Variants in RANBP2 observed in about 807,000 individuals in gnomAD.
RANBP2 encodes E3 SUMO-protein ligase RanBP2.
In RANBP2, 57 loss-of-function variants were observed where a neutral mutation model predicts 303.6. The observed-to-expected ratio is 0.19, with a 90% confidence interval of 0.15 to 0.23. The LOEUF (loss-of-function observed/expected upper bound fraction) is 0.23, where lower values mean the gene tolerates loss of function less well. Among genes scored for constraint, RANBP2 ranks in the 10% least tolerant of loss-of-function variants. The pLI is 1.00. For synonymous variants in RANBP2, 1,167 were observed against 1,301.5 expected (o/e 0.90, Z 2.23); for missense variants, 3,138 against 3,780.8 (o/e 0.83, Z 4.46).
chr2:108,741,608 C>T (rs189453916), intron 7 of RANBP2, among the ~76,000 whole-genome samples: 1 of 142,244 alleles, frequency 7.0e-6, no homozygotes, highest in Non-Finnish European at 1.5e-5. Flanking sequence ...CGAGTTCACG[C>T]CATTTTCCTG....
At chr2:109,556,517 AG>A in the RANBP2 span, among the ~76,000 whole-genome samples, 1 of 152,220 alleles carries the variant, frequency 6.6e-6, no homozygotes, top group Non-Finnish European at 1.5e-5. Flanking sequence ...GGTTCCAAGC[AG>A]GAACAGATCC....
At chr2:109,595,886 G>A in the RANBP2 span, among the ~76,000 whole-genome samples, 1 of 152,134 alleles carries the variant, frequency 6.6e-6, no homozygotes, top group Admixed American at 6.5e-5. Context: ...GAGGAGGGTA[G>A]AACATTCCAT....
At chr2:109,719,027 A>AAAAAAAAAC in the RANBP2 span, among the ~76,000 whole-genome samples, 1 of 118,216 alleles carries the variant, frequency 8.5e-6, no homozygotes, top group Non-Finnish European at 1.7e-5. Context: ...AAAAAAAAAA[A>AAAAAAAAAC]AGAAACAAAA....
the RANBP2 span, chr2:109,436,880 T>G: frequency 1.9e-6 from 3 of 1,610,718 alleles, no homozygotes; most frequent in Admixed American, 1.7e-5. Flanking sequence ...TTCCTTCTGC[T>G]TTCTCTCCAC....
At position 108,764,608 on chromosome 2, in the gene RANBP2, C is replaced by T. The variant is rs1676979426; in HGVS notation, c.4069C>T (p.His1357Tyr). 5 of 1,614,006 alleles carry T rather than the reference C, an allele frequency of 3.1e-6. No individual in the cohort carries two copies. Among genetic ancestry groups the T allele is most frequent in the Admixed American group, 1.7e-5 (1 of 60,010 alleles). ...QVAKKEGSWW[H>Y]CNSCSLKNAS... is the part of the protein sequence containing the mutation. ...TGCAAAGAAAGAAGGGTCTTGGTGG[C>T]ATTGTAACAGCTGCTCATTAAAGAA... Residue 1357 changes from histidine to tyrosine, a missense_variant, in exon 20 of 29, where the codon CAT becomes TAT. Transcript: ENST00000283195.
chr2:109,350,743 T>A, the RANBP2 span, among the ~76,000 whole-genome samples: 1 of 152,198 alleles, frequency 6.6e-6, no homozygotes, highest in Non-Finnish European at 1.5e-5. Context: ...ACAACCTCCA[T>A]GTGAATCAGA....
chr2:109,576,459 AC>A, the RANBP2 span, among the ~76,000 whole-genome samples: 3 of 152,166 alleles, frequency 2.0e-5, no homozygotes, highest in African/African-American at 7.2e-5. Flanking sequence ...AAAACCTTGA[AC>A]ATTACAAGAA....
At chr2:109,711,376 C>T in the RANBP2 span, among the ~76,000 whole-genome samples, 4 of 152,096 alleles carry the variant, frequency 2.6e-5, no homozygotes, top group East Asian at 3.9e-4. Flanking sequence ...CCCCTGGGAC[C>T]CTGCAGTGGC....
At chr2:109,146,892 C>A in the RANBP2 span, among the ~76,000 whole-genome samples, 1 of 88,410 alleles carries the variant, frequency 1.1e-5, no homozygotes. Flanking sequence ...CCCTCCCCCC[C>A]CCCCCCCCCG....
At chr2:109,195,467 TC>T in the RANBP2 span, among the ~76,000 whole-genome samples, 1,203 of 152,326 alleles carry the variant, frequency 7.9e-3, 11 homozygotes, top group East Asian at 0.036. Context: ...CCCCACCCCT[TC>T]TTGGCCTTGC....
chr2:109,685,048 A>G, the RANBP2 span, among the ~76,000 whole-genome samples: 3 of 144,060 alleles, frequency 2.1e-5, no homozygotes, highest in African/African-American at 7.8e-5. Context: ...TAATTTTTGT[A>G]TTTTTGTAGA....
At chr2:109,460,614 G>A in the RANBP2 span, among the ~76,000 whole-genome samples, 7 of 152,202 alleles carry the variant, frequency 4.6e-5, no homozygotes, top group African/African-American at 1.4e-4. Flanking sequence ...GTCCTCCTCT[G>A]CTGAGGTCAC....
chr2:109,156,479 CTTG>C, the RANBP2 span, among the ~76,000 whole-genome samples: 1 of 150,794 alleles, frequency 6.6e-6, no homozygotes, highest in African/African-American at 2.4e-5. Context: ...AAGTTTTGCT[CTTG>C]TTGTCCAGGC....
the RANBP2 span, among the ~76,000 whole-genome samples, chr2:109,248,031 C>T: frequency 2.1e-3 from 323 of 152,290 alleles, 1 homozygote; most frequent in African/African-American, 7.5e-3. Context: ...AATCTAGAGG[C>T]AACCTTGGAT....
the RANBP2 span, among the ~76,000 whole-genome samples, chr2:109,465,953 C>T: frequency 2.0e-5 from 3 of 152,150 alleles, no homozygotes; most frequent in African/African-American, 7.2e-5. Flanking sequence ...TCCCACCAGA[C>T]CCCACCTCTA....
chr2:109,681,922 C>A, the RANBP2 span, among the ~76,000 whole-genome samples: 5 of 152,242 alleles, frequency 3.3e-5, no homozygotes, highest in African/African-American at 7.2e-5. Context: ...TCTCTTCCAG[C>A]ATCTCCCAGA....
At chr2:109,717,203 T>C in the RANBP2 span, among the ~76,000 whole-genome samples, 1 of 140,744 alleles carries the variant, frequency 7.1e-6, no homozygotes, top group Non-Finnish European at 1.5e-5. Flanking sequence ...AGAAGATCAA[T>C]ATATAAAAAT....
At chr2:108,892,438 T>C in the RANBP2 span, among the ~76,000 whole-genome samples, 3 of 152,116 alleles carry the variant, frequency 2.0e-5, no homozygotes, top group African/African-American at 7.2e-5. Context: ...TGCTTGCAGC[T>C]CACTCCCCAT....
At chr2:109,275,179 A>T in the RANBP2 span, among the ~76,000 whole-genome samples, 3 of 152,304 alleles carry the variant, frequency 2.0e-5, no homozygotes, top group East Asian at 5.8e-4. Flanking sequence ...TTGCACAATC[A>T]TCATGAAATG....
Sources: allele counts gnomAD v4.1 joint callset (sites outside exome capture counted in the v4.1 genomes callset), GRCh38; gene constraint gnomAD v4.1.1; transcripts MANE v1.5; gene names NCBI Gene and HGNC (gene_info 2026-07-23, HGNC 2026-07-21).